Variants in ITSN2 observed in about 807,000 individuals in gnomAD.
ITSN2 encodes the protein intersectin-2.
ITSN2 carries 156 observed loss-of-function variants against 243.7 expected under a neutral mutation model. The ratio of observed to expected loss-of-function variants is 0.64; its 90% CI spans 0.56 to 0.73. The LOEUF (loss-of-function observed/expected upper bound fraction) is 0.73, where lower values mean the gene tolerates loss of function less well. ITSN2 is among the 30% of genes least tolerant of loss of function. The pLI is 0.00. For missense variants in ITSN2, 1,801 were observed against 1,996.1 expected (o/e 0.90, Z 1.86); for synonymous variants, 703 against 699.9 (o/e 1.00, Z -0.07).
chr2:24,238,183 T>C (rs1672366279), intron 29 of ITSN2, among the ~76,000 whole-genome samples: 2 of 152,184 alleles, frequency 1.3e-5, no homozygotes, highest in Admixed American at 6.5e-5. Context: ...GCCTGGCAAA[T>C]ATCTATCACT....
intron 2 of ITSN2, among the ~76,000 whole-genome samples, chr2:24,319,227 A>G (rs1210311359): frequency 6.6e-6 from 1 of 152,190 alleles, no homozygotes; most frequent in Non-Finnish European, 1.5e-5. Context: ...AGGAAATGGT[A>G]AAGTTATGGC....
chr2:24,210,272 G>T (rs933101335), intron 34 of ITSN2: 77 of 506,474 alleles, frequency 1.5e-4, no homozygotes, highest in Non-Finnish European at 2.6e-4. Flanking sequence ...TGAATTCAAA[G>T]AACTCAAAAC....
At chr2:24,306,223 G>A (rs919399923) in intron 8 of ITSN2, among the ~76,000 whole-genome samples, 4 of 151,860 alleles carry the variant, frequency 2.6e-5, no homozygotes, top group Non-Finnish European at 4.4e-5. Flanking sequence ...CAAGTGATCC[G>A]CCCGCCTCAG....
intron 18 of ITSN2, among the ~76,000 whole-genome samples, chr2:24,273,911 T>A (rs11687613): frequency 0.97 from 148,097 of 152,318 alleles, 71,991 homozygotes; most frequent in East Asian, 0.99. Flanking sequence ...GGCCAATCAA[T>A]CCAAGATGTG....
intron 13 of ITSN2, among the ~76,000 whole-genome samples, chr2:24,298,263 T>C (rs1681248952): frequency 1.3e-5 from 2 of 152,198 alleles, no homozygotes; most frequent in South Asian, 4.1e-4. Flanking sequence ...GTTCAAGCAA[T>C]TCTTCTGCCT....
chr2:24,229,587 TCAA>T (rs1173449144), intron 29 of ITSN2, among the ~76,000 whole-genome samples: 8 of 152,238 alleles, frequency 5.3e-5, no homozygotes, highest in East Asian at 1.9e-4. Flanking sequence ...AGACACTGTC[TCAA>T]CAACAACACA....
At chr2:24,277,936 G>A (rs1678224915) in intron 17 of ITSN2, among the ~76,000 whole-genome samples, 1 of 152,172 alleles carries the variant, frequency 6.6e-6, no homozygotes. Flanking sequence ...GGCCGCATGT[G>A]GCCTGTGGAC....
chr2:24,318,661 T>C (rs1250691918), intron 2 of ITSN2, among the ~76,000 whole-genome samples: 1 of 152,160 alleles, frequency 6.6e-6, no homozygotes, highest in Admixed American at 6.5e-5. Context: ...TATACAGACC[T>C]ATTGTGAAAA....
chr2:24,313,661 C>T (rs1255719674), intron 3 of ITSN2, 138 bp from the exon 4 acceptor site: 2 of 557,004 alleles, frequency 3.6e-6, no homozygotes, highest in East Asian at 6.3e-5. Context: ...GAAATAGAAA[C>T]ACATAAAAAT....
chr2:24,277,774 G>C (rs1446861365), intron 17 of ITSN2, among the ~76,000 whole-genome samples: 1 of 152,158 alleles, frequency 6.6e-6, no homozygotes, highest in East Asian at 1.9e-4. Context: ...CATGGAAAGA[G>C]GGAAAATTGT....
chr2:24,237,316 T>C (rs998657614), intron 29 of ITSN2, among the ~76,000 whole-genome samples: 1 of 152,028 alleles, frequency 6.6e-6, no homozygotes, highest in Non-Finnish European at 1.5e-5. Context: ...CAAAATTTCA[T>C]TATTTTTTAA....
rs773196804 is a variant in ITSN2, at chr2:24,312,378, A to G, written c.189-3T>C. 4.2e-5 allele frequency: 68 copies of G among 1,601,468 alleles called. No individual in the cohort carries two copies. The highest frequency in any genetic ancestry group is 5.5e-5 in the Non-Finnish European group (65 of 1,173,132). On this transcript the variant is annotated splice_region_variant and splice_polypyrimidine_tract_variant and intron_variant, in intron 4 of 39. Transcript: ENST00000355123. Reference sequence around the variant, plus strand: ...CCTTGTTTAGGTCTGATAAAGCCCTAAAAGGAGCATGAGGTAGGTAGATTG... The same window carrying G: ...CCTTGTTTAGGTCTGATAAAGCCCTGAAAGGAGCATGAGGTAGGTAGATTG...
chr2:24,226,583 G>A (rs1671051848), intron 29 of ITSN2, among the ~76,000 whole-genome samples: 1 of 152,160 alleles, frequency 6.6e-6, no homozygotes, highest in Non-Finnish European at 1.5e-5. Flanking sequence ...TTGAGGTCAG[G>A]AGTTCTATTA....
At chr2:24,250,776 ACTT>A (rs1394925463) in intron 25 of ITSN2, among the ~76,000 whole-genome samples, 1 of 152,162 alleles carries the variant, frequency 6.6e-6, no homozygotes, top group East Asian at 1.9e-4. Context: ...CTATTAAAAT[ACTT>A]CTTCATTTTC....
chr2:24,248,565 CT>C (rs1371255168), intron 27 of ITSN2, 63 bp downstream of exon 27: 11 of 1,381,952 alleles, frequency 8.0e-6, no homozygotes, highest in Non-Finnish European at 1.1e-5. Flanking sequence ...TTAATTTTAT[CT>C]TTTTTATGGA....
At chr2:24,301,526 CTTT>C (rs999219345) in intron 10 of ITSN2, among the ~76,000 whole-genome samples, 18 of 137,182 alleles carry the variant, frequency 1.3e-4, no homozygotes, top group Non-Finnish European at 1.9e-4. Flanking sequence ...ACATCCACTT[CTTT>C]TTTTTTTTTT....
intron 29 of ITSN2, among the ~76,000 whole-genome samples, chr2:24,236,343 A>AG (rs1672145974): frequency 6.6e-6 from 1 of 151,974 alleles, no homozygotes; most frequent in South Asian, 2.1e-4. Flanking sequence ...TGAAGGCTGG[A>AG]GGGGGGCTTA....
intron 1 of ITSN2, among the ~76,000 whole-genome samples, chr2:24,329,697 C>T (rs551828453): frequency 1.3e-5 from 2 of 152,130 alleles, no homozygotes; most frequent in Admixed American, 1.3e-4. Flanking sequence ...AAGATCATGC[C>T]GTATCTCATC....
At chr2:24,260,897 C>T (rs2151387815) in intron 22 of ITSN2, among the ~76,000 whole-genome samples, 1 of 82,700 alleles carries the variant, frequency 1.2e-5, no homozygotes, top group East Asian at 3.3e-4. Context: ...GAGTGAGGCT[C>T]CGTCTCAAAA....
Sources: allele counts gnomAD v4.1 joint callset (sites outside exome capture counted in the v4.1 genomes callset), GRCh38; gene constraint gnomAD v4.1.1; transcripts MANE v1.5; gene names NCBI Gene and HGNC (gene_info 2026-07-23, HGNC 2026-07-21).